The following PLXDC2 variants were observed in gnomAD, a reference collection of about 807,000 sequenced individuals.
PLXDC2 encodes plexin domain containing 2.
A neutral mutation model predicts 68.9 loss-of-function variants in PLXDC2; 40 were observed. The observed-to-expected ratio is 0.58, with a 90% confidence interval of 0.45 to 0.76. The LOEUF (loss-of-function observed/expected upper bound fraction) is 0.76, where lower values mean the gene tolerates loss of function less well. Among genes scored for constraint, PLXDC2 ranks in the 30% least tolerant of loss-of-function variants. PLXDC2 has a pLI of 0.00. For synonymous variants in PLXDC2, 243 were observed against 234.2 expected, an observed-to-expected ratio of 1.04 and a Z score of -0.34; for missense variants, 644 against 661.9, an observed-to-expected ratio of 0.97 and a Z score of 0.30.
chr10:20,128,455 C>A (rs986292130), intron 4 of PLXDC2, among the ~76,000 whole-genome samples: 9 of 152,022 alleles, frequency 5.9e-5, no homozygotes, highest in African/African-American at 1.9e-4. Flanking sequence ...AAACAATTAC[C>A]GCTATAAGCT....
At chr10:19,979,467 C>A (rs1834512939) in intron 1 of PLXDC2, among the ~76,000 whole-genome samples, 1 of 151,760 alleles carries the variant, frequency 6.6e-6, no homozygotes, top group South Asian at 2.1e-4. Context: ...CAAGCTCCAC[C>A]TCCCAGGTTC....
At chr10:20,163,649 T>C (rs1194769270) in intron 6 of PLXDC2, among the ~76,000 whole-genome samples, 1 of 152,158 alleles carries the variant, frequency 6.6e-6, no homozygotes, top group African/African-American at 2.4e-5. Context: ...TTCATTCCCA[T>C]TTTTGTTTCT....
chr10:20,033,365 A>G (rs1835531608), intron 2 of PLXDC2, among the ~76,000 whole-genome samples: 1 of 152,136 alleles, frequency 6.6e-6, no homozygotes, highest in Non-Finnish European at 1.5e-5. Context: ...ATATTTTTAC[A>G]TAAGGGGATG....
chr10:19,912,636 T>C (rs934729893), intron 1 of PLXDC2, among the ~76,000 whole-genome samples: 1 of 152,120 alleles, frequency 6.6e-6, no homozygotes, highest in Non-Finnish European at 1.5e-5. Context: ...TCCTTAAAGA[T>C]CCTTATTTTA....
At chr10:20,193,209 CCA>C (rs1479884619) in intron 9 of PLXDC2, among the ~76,000 whole-genome samples, 6 of 151,978 alleles carry the variant, frequency 3.9e-5, no homozygotes, top group African/African-American at 7.2e-5. Flanking sequence ...GTGACACAGA[CCA>C]TATGGCCTGT....
intron 4 of PLXDC2, among the ~76,000 whole-genome samples, chr10:20,118,798 A>G (rs1270866333): frequency 6.6e-6 from 1 of 152,172 alleles, no homozygotes; most frequent in Non-Finnish European, 1.5e-5. Context: ...ATCTCATATA[A>G]TTCTCACAGA....
chr10:20,117,427 G>C (rs181769573), intron 4 of PLXDC2, among the ~76,000 whole-genome samples: 207 of 152,254 alleles, frequency 1.4e-3, no homozygotes, highest in African/African-American at 4.2e-3. Flanking sequence ...GTGTGTGTGA[G>C]TGCACATGTA....
intron 4 of PLXDC2, among the ~76,000 whole-genome samples, chr10:20,108,230 T>G (rs1396694345): frequency 1.3e-5 from 2 of 152,112 alleles, no homozygotes; most frequent in African/African-American, 2.4e-5. Context: ...GTTTCCCGAG[T>G]TGGGTTCTGT....
chr10:20,145,060 A>G (rs758478273), intron 5 of PLXDC2, among the ~76,000 whole-genome samples: 56 of 152,234 alleles, frequency 3.7e-4, no homozygotes, highest in Non-Finnish European at 7.5e-4. Flanking sequence ...AGTACCCTGC[A>G]TAGACACTTT....
At chr10:20,193,673 G>A (rs906158396) in intron 9 of PLXDC2, among the ~76,000 whole-genome samples, 2 of 152,022 alleles carry the variant, frequency 1.3e-5, no homozygotes, top group African/African-American at 4.8e-5. Flanking sequence ...TCAGTTTCAG[G>A]AAAAGCAAAT....
At position 20,273,968 on chromosome 10, in the gene PLXDC2, G is replaced by A. The variant is rs145510927; in HGVS notation, c.1474-5735G>A. ...GGGGGAAGATCACTTGAGCCCAGGA[G>A]GTTGAGGCTGCATTGAGAGTTGATC... On this transcript the variant is annotated intron_variant, in intron 13 of 13. Transcript: ENST00000377252. Among the ~76,000 whole-genome samples, 5 of 152,066 alleles carry A rather than the reference G, an allele frequency of 3.3e-5. No individual in the cohort carries two copies. The South Asian group carries it at 8.3e-4, about 25-fold the overall frequency.
At chr10:20,247,506 ATTAG>A (rs1389110911) in intron 13 of PLXDC2, among the ~76,000 whole-genome samples, 2 of 151,516 alleles carry the variant, frequency 1.3e-5, no homozygotes, top group Non-Finnish European at 2.9e-5. Flanking sequence ...CCCTTCCCAT[ATTAG>A]TTCTTGAATT....
chr10:20,222,514 T>G (rs1023999515), intron 12 of PLXDC2, among the ~76,000 whole-genome samples: 3 of 152,232 alleles, frequency 2.0e-5, no homozygotes, highest in African/African-American at 7.2e-5. Context: ...GATAGTTGTT[T>G]GATTGGAGAA....
At chr10:20,250,305 T>C (rs1019071709) in intron 13 of PLXDC2, among the ~76,000 whole-genome samples, 3 of 150,934 alleles carry the variant, frequency 2.0e-5, no homozygotes, top group African/African-American at 7.3e-5. Flanking sequence ...CATGACTCTA[T>C]CCTTGAGTGT....
intron 4 of PLXDC2, among the ~76,000 whole-genome samples, chr10:20,083,399 C>G (rs1012901080): frequency 1.3e-5 from 2 of 151,360 alleles, no homozygotes; most frequent in African/African-American, 2.4e-5. Flanking sequence ...ATGGTGTGAA[C>G]CCGGGAGGCG....
intron 1 of PLXDC2, among the ~76,000 whole-genome samples, chr10:19,888,245 G>A (rs1265767819): frequency 6.6e-6 from 1 of 152,174 alleles, no homozygotes; most frequent in Non-Finnish European, 1.5e-5. Context: ...TGGATCAAAG[G>A]TGATAGAAAT....
At chr10:20,109,191 A>T (rs142244108) in intron 4 of PLXDC2, among the ~76,000 whole-genome samples, 69 of 152,336 alleles carry the variant, frequency 4.5e-4, no homozygotes, top group African/African-American at 1.4e-3. Flanking sequence ...AATTTTGCTT[A>T]TGCCAGTTAA....
At chr10:20,140,827 C>T (rs1236264829) in intron 4 of PLXDC2, among the ~76,000 whole-genome samples, 1 of 151,706 alleles carries the variant, frequency 6.6e-6, no homozygotes, top group Non-Finnish European at 1.5e-5. Flanking sequence ...TAAAATTAAA[C>T]TCATTTTGTA....
chr10:20,229,462 G>T (rs1046604217), intron 12 of PLXDC2, among the ~76,000 whole-genome samples: 1 of 145,960 alleles, frequency 6.9e-6, no homozygotes, highest in African/African-American at 2.6e-5. Context: ...TTTTGTTCAC[G>T]TGTGCTTGAA....
Sources: allele counts gnomAD v4.1 joint callset (sites outside exome capture counted in the v4.1 genomes callset), GRCh38; gene constraint gnomAD v4.1.1; transcripts MANE v1.5; gene names NCBI Gene and HGNC (gene_info 2026-07-23, HGNC 2026-07-21).